Variants in PLN observed in about 807,000 individuals in gnomAD.
PLN encodes phospholamban.
A neutral mutation model predicts 3.9 loss-of-function variants in PLN; 1 was observed. The ratio of observed to expected loss-of-function variants is 0.26; its 90% confidence interval spans 0.09 to 1.23. PLN has a LOEUF of 1.23. Ranked by LOEUF, PLN falls within the 50% of genes most tolerant of loss-of-function variation. The pLI is 0.48. For synonymous variants in PLN, 21 were observed against 20.5 expected (o/e 1.02, Z -0.07); for missense variants, 59 against 62.7 (o/e 0.94, Z 0.20).
chr6:118,558,958 A>C lies in PLN; in HGVS notation c.37A>C (p.Arg13=). 1 of 1,613,816 alleles carries C rather than the reference A, an allele frequency of 6.2e-7. No homozygotes were observed. Among genetic ancestry groups the C allele is most frequent in the Non-Finnish European group, 8.5e-7 (1 of 1,179,682 alleles). ...CCAATACCTCACTCGCTCAGCTATA[A>C]GAAGAGCCTCAACCATTGAAATGCC... ...KVQYLTRSAI[R]RASTIEMPQQ... The change falls in exon 2 of 2, where the codon AGA becomes CGA. Residue 13 remains arginine (R), a synonymous_variant. Coordinates refer to ENST00000357525, the MANE Select transcript of PLN (RefSeq NM_002667.5).
intron 1 of PLN, among the ~76,000 whole-genome samples, 173 bp from the exon 2 acceptor site, chr6:118,558,652 C>CAGAG (rs1482465423): frequency 8.3e-5 from 11 of 132,900 alleles, no homozygotes; most frequent in African/African-American, 3.6e-4. Context: ...CACACACACA[C>CAGAG]ACACACACAG....
At chr6:118,553,404 T>C (rs1378388083) in intron 1 of PLN, among the ~76,000 whole-genome samples, 2 of 152,184 alleles carry the variant, frequency 1.3e-5, no homozygotes, top group African/African-American at 2.4e-5. Flanking sequence ...CCATCTTCTA[T>C]GGATAAAATC....
At chr6:118,558,102 C>A (rs1411577432) in intron 1 of PLN, among the ~76,000 whole-genome samples, 1 of 152,054 alleles carries the variant, frequency 6.6e-6, no homozygotes, top group Non-Finnish European at 1.5e-5. Flanking sequence ...CAGGCACATG[C>A]CACCAGCCTA....
chr6:118,549,453 A>T (rs1010003692), intron 1 of PLN, among the ~76,000 whole-genome samples: 1 of 151,798 alleles, frequency 6.6e-6, no homozygotes, highest in Admixed American at 6.6e-5. Context: ...CATATATTTT[A>T]TTTATTTTGA....
At chr6:118,550,157 G>GT (rs1476407995) in intron 1 of PLN, among the ~76,000 whole-genome samples, 1 of 151,890 alleles carries the variant, frequency 6.6e-6, no homozygotes, top group Non-Finnish European at 1.5e-5. Flanking sequence ...ACTAAAAGGC[G>GT]TGACAGCACT....
chr6:118,550,990 T>TA (rs940328972), intron 1 of PLN, among the ~76,000 whole-genome samples: 3 of 151,570 alleles, frequency 2.0e-5, no homozygotes, highest in South Asian at 4.2e-4. Context: ...GCACAGACTT[T>TA]AAAAAAAATA....
Position 118,558,896 on chromosome 6 carries a change from T to G in PLN, c.-26T>G. The G allele has an allele frequency of 6.2e-7, 1 of 1,608,158 alleles. No homozygotes were observed. Among genetic ancestry groups the G allele is most frequent in the African/African-American group, 1.3e-5 (1 of 74,938 alleles). The stretch of plus-strand genomic sequence containing the variant: ...TATCTTTCTCTCGACCACTTAAAAC[T>G]TCAGACTTCCTGTCCTGCTGGTATC... On this transcript the variant is annotated 5_prime_UTR_variant, in exon 2 of 2. Coordinates refer to ENST00000357525, the MANE Select transcript of PLN (RefSeq NM_002667.5).
chr6:118,556,653 T>C (rs1286114811), intron 1 of PLN, among the ~76,000 whole-genome samples: 1 of 152,222 alleles, frequency 6.6e-6, no homozygotes, highest in African/African-American at 2.4e-5. Flanking sequence ...TAAAAGGACT[T>C]AGGAGAAAAT....
chr6:118,556,530 C>A (rs1029114860), intron 1 of PLN, among the ~76,000 whole-genome samples: 1 of 152,164 alleles, frequency 6.6e-6, no homozygotes, highest in Admixed American at 6.5e-5. Flanking sequence ...ACTAGTCATG[C>A]CTGATACTTA....
intron 1 of PLN, among the ~76,000 whole-genome samples, chr6:118,556,085 A>C (rs1210917569): frequency 1.3e-5 from 2 of 152,122 alleles, no homozygotes; most frequent in Admixed American, 6.5e-5. Flanking sequence ...TGTCTTTGCT[A>C]TTGTGAATAG....
At chr6:118,556,097 G>A (rs1043187014) in intron 1 of PLN, among the ~76,000 whole-genome samples, 1 of 152,136 alleles carries the variant, frequency 6.6e-6, no homozygotes, top group African/African-American at 2.4e-5. Context: ...TGTGAATAGT[G>A]CTGCAATGAA....
intron 1 of PLN, among the ~76,000 whole-genome samples, chr6:118,556,190 G>A (rs1778864520): frequency 6.6e-6 from 1 of 152,142 alleles, no homozygotes; most frequent in African/African-American, 2.4e-5. Flanking sequence ...TGGGTCGAAT[G>A]GTAGTTCTGC....
rs552078051 is a variant in PLN, at chr6:118,559,062, C to G, written c.141C>G (p.Ile47Met). ...LILICLLLIC[I>M]IVMLL ...TAATATGTCTCTTGCTGATCTGTAT[C>G]ATCGTGATGCTTCTCTGAAGTTCTG... The change falls in exon 2 of 2, where the codon ATC becomes ATG. Residue 47 changes from isoleucine to methionine, a missense_variant. By Grantham distance (10) the Ile-to-Met change is conservative. Transcript: ENST00000357525. The G allele has an allele frequency of 1.9e-6, 3 of 1,611,212 alleles. No homozygotes were observed. The African/African-American group carries it at 4.0e-5, about 21-fold the overall frequency.
chr6:118,550,837 AAATTC>A (rs1778497751), intron 1 of PLN, among the ~76,000 whole-genome samples: 1 of 151,946 alleles, frequency 6.6e-6, no homozygotes, highest in Admixed American at 6.6e-5. Context: ...CACTCCATTT[AAATTC>A]AATTTATGCA....
intron 1 of PLN, among the ~76,000 whole-genome samples, chr6:118,555,556 T>G (rs1476931120): frequency 6.6e-6 from 1 of 151,972 alleles, no homozygotes; most frequent in East Asian, 1.9e-4. Context: ...AGGATGAATC[T>G]CAATAAAGAA....
chr6:118,561,687 T>G lies in PLN; in HGVS notation c.*2607T>G, dbSNP rs1779232001. ...TTTGTTTAATGCAAATCAGAATCAC[T>G]ATATTAAAATGAATGTTCTTGAAAA... On this transcript the variant is annotated 3_prime_UTR_variant, in exon 2 of 2. Coordinates refer to ENST00000357525, the MANE Select transcript of PLN (RefSeq NM_002667.5). 6.6e-6 allele frequency among the ~76,000 whole-genome samples: 1 copy of G among 152,170 alleles called. No homozygotes were observed. Among genetic ancestry groups the G allele is most frequent in the Non-Finnish European group, 1.5e-5 (1 of 68,014 alleles).
chr6:118,548,747 T>C (rs994988950), intron 1 of PLN, among the ~76,000 whole-genome samples: 4 of 152,072 alleles, frequency 2.6e-5, no homozygotes, highest in Non-Finnish European at 1.5e-5. Flanking sequence ...AATTTCTCCA[T>C]GCAAAAACAA....
chr6:118,556,340 A>G (rs1778875196), intron 1 of PLN, among the ~76,000 whole-genome samples: 1 of 152,234 alleles, frequency 6.6e-6, no homozygotes, highest in Non-Finnish European at 1.5e-5. Flanking sequence ...AAAATTTGAT[A>G]GAAGTTGAGT....
Position 118,558,905 on chromosome 6 carries a change from C to G in PLN, c.-17C>G. 6.2e-7 allele frequency: 1 copy of G among 1,611,498 alleles called. No individual in the cohort carries two copies. The highest frequency in any genetic ancestry group is 2.2e-5 in the East Asian group (1 of 44,856). On this transcript the variant is annotated 5_prime_UTR_variant, in exon 2 of 2. Coordinates refer to ENST00000357525, the MANE Select transcript of PLN (RefSeq NM_002667.5). Reference sequence around the variant, plus strand: ...CTCGACCACTTAAAACTTCAGACTTCCTGTCCTGCTGGTATCATGGAGAAA... The same window carrying G: ...CTCGACCACTTAAAACTTCAGACTTGCTGTCCTGCTGGTATCATGGAGAAA...
Sources: gnomAD v4.1 joint callset for allele counts (sites outside exome capture counted in the v4.1 genomes callset) on GRCh38, gnomAD v4.1.1 for gene constraint, MANE v1.5 for transcripts, NCBI Gene and HGNC (gene_info 2026-07-23, HGNC 2026-07-21) for gene names.